ROBO2: variants seen among roughly 807,000 people sequenced by gnomAD.
ROBO2 encodes roundabout homolog 2.
In ROBO2, 53 loss-of-function variants were observed where a neutral mutation model predicts 160.8. The observed-to-expected ratio is 0.33, with a 90% confidence interval of 0.26 to 0.41. The LOEUF (loss-of-function observed/expected upper bound fraction) is 0.41. Ranked by LOEUF, ROBO2 falls within the 10% of genes least tolerant of loss-of-function variation. The probability of loss-of-function intolerance (pLI) is 1.00; values close to 1 mark genes in which losing one functional copy is unlikely to be tolerated. For missense variants in ROBO2, 1,577 were observed against 1,722.4 expected (o/e 0.92, Z 1.49); for synonymous variants, 664 against 611.7 (o/e 1.09, Z -1.26).
intron 2 of ROBO2, among the ~76,000 whole-genome samples, chr3:77,348,636 T>A (rs2153456482): frequency 6.6e-6 from 1 of 152,304 alleles, no homozygotes; most frequent in South Asian, 2.1e-4. Context: ...CTGACAAAGC[T>A]ATTTGTTCTA....
At chr3:76,487,148 A>ATT (rs1234441526) in intron 2 of ROBO2, among the ~76,000 whole-genome samples, 1 of 131,014 alleles carries the variant, frequency 7.6e-6, no homozygotes, top group African/African-American at 2.6e-5. Context: ...TTTTTAATTT[A>ATT]ATTTTTTTTT....
intron 2 of ROBO2, among the ~76,000 whole-genome samples, chr3:76,090,671 G>T (rs2069193815): frequency 6.6e-6 from 1 of 152,140 alleles, no homozygotes; most frequent in Non-Finnish European, 1.5e-5. Context: ...TTGGAGAAGT[G>T]ATGCTATCAA....
At chr3:76,095,651 A>G (rs1422013506) in intron 2 of ROBO2, among the ~76,000 whole-genome samples, 3 of 151,954 alleles carry the variant, frequency 2.0e-5, no homozygotes, top group Non-Finnish European at 4.4e-5. Context: ...TAACAACAAA[A>G]CTCCACATAG....
At chr3:76,673,171 G>A (rs1187854562) in intron 2 of ROBO2, among the ~76,000 whole-genome samples, 1 of 149,558 alleles carries the variant, frequency 6.7e-6, no homozygotes, top group Non-Finnish European at 1.5e-5. Context: ...ACAGTAAACG[G>A]TTCATCTCCA....
intron 2 of ROBO2, among the ~76,000 whole-genome samples, chr3:76,980,128 G>A (rs561439027): frequency 1.1e-4 from 17 of 152,280 alleles, no homozygotes; most frequent in African/African-American, 3.6e-4. Flanking sequence ...AGGAAACTCT[G>A]CAAATGGAGG....
intron 2 of ROBO2, among the ~76,000 whole-genome samples, chr3:76,089,287 T>A (rs2069134414): frequency 6.6e-6 from 1 of 151,996 alleles, no homozygotes. Flanking sequence ...TTCTCCACAG[T>A]CTCTTTTGGG....
At chr3:75,908,237 T>A (rs1559742528) in intron 1 of ROBO2, among the ~76,000 whole-genome samples, 1 of 152,182 alleles carries the variant, frequency 6.6e-6, no homozygotes, top group Non-Finnish European at 1.5e-5. Flanking sequence ...GGATCCAATG[T>A]CATTTTATGG....
At chr3:76,872,192 G>A (rs1464024303) in intron 2 of ROBO2, among the ~76,000 whole-genome samples, 1 of 152,092 alleles carries the variant, frequency 6.6e-6, no homozygotes, top group Non-Finnish European at 1.5e-5. Flanking sequence ...AAGTATTCCT[G>A]TGAATTTCTT....
intron 6 of ROBO2, among the ~76,000 whole-genome samples, chr3:77,542,711 T>G (rs559303622): frequency 7.9e-5 from 12 of 152,292 alleles, no homozygotes; most frequent in Middle Eastern, 3.4e-3. Context: ...TTAAAAGCCC[T>G]GATGAAATGG....
At chr3:77,393,498 C>T (rs971868471) in intron 2 of ROBO2, among the ~76,000 whole-genome samples, 2 of 150,176 alleles carry the variant, frequency 1.3e-5, no homozygotes, top group African/African-American at 2.4e-5. Context: ...CACAAAATGA[C>T]TAGCACAGAG....
chr3:77,529,675 T>A (rs2091478901), intron 6 of ROBO2, among the ~76,000 whole-genome samples: 1 of 151,996 alleles, frequency 6.6e-6, no homozygotes, highest in Non-Finnish European at 1.5e-5. Context: ...TTATTTCCAT[T>A]TTTTATTCCC....
intron 2 of ROBO2, among the ~76,000 whole-genome samples, chr3:76,637,038 G>T (rs2090379432): frequency 6.6e-6 from 1 of 152,066 alleles, no homozygotes; most frequent in Non-Finnish European, 1.5e-5. Context: ...CAAGCAGCAA[G>T]GAATAGATAA....
intron 2 of ROBO2, among the ~76,000 whole-genome samples, chr3:75,954,080 C>T (rs1576284419): frequency 6.6e-6 from 1 of 151,780 alleles, no homozygotes; most frequent in East Asian, 2.0e-4. Flanking sequence ...ACCCCAACCC[C>T]CTTCCCTGTT....
At chr3:77,072,075 G>A (rs574779353) in intron 1 of ROBO2, among the ~76,000 whole-genome samples, 6 of 152,130 alleles carry the variant, frequency 3.9e-5, no homozygotes, top group South Asian at 2.1e-4. Context: ...CCTGAGCTCC[G>A]TCTCATGCCA....
chr3:76,609,618 G>GTTAA (rs1476214869), intron 2 of ROBO2, among the ~76,000 whole-genome samples: 1 of 151,828 alleles, frequency 6.6e-6, no homozygotes, highest in Non-Finnish European at 1.5e-5. Context: ...TAGGTTTTTG[G>GTTAA]TTAAATCTTT....
chr3:76,369,224 C>A (rs2075983632), intron 2 of ROBO2, among the ~76,000 whole-genome samples: 2 of 151,912 alleles, frequency 1.3e-5, no homozygotes, highest in Non-Finnish European at 1.5e-5. Context: ...GTATTAACAG[C>A]CTTCTCTGAT....
rs1049407271 is a variant in ROBO2, at chr3:76,604,609, A to G, written c.110-493405A>G. On this transcript the variant is annotated intron_variant, in intron 2 of 26. Transcript: ENST00000487694. ...ATATTTTCTAATTTAATTTATATGG[A>G]ACATTTTAATAGAAATATTTAATAA... is the stretch of plus-strand genomic sequence containing the variant. Among the ~76,000 whole-genome samples, 3 of 152,266 alleles carry G rather than the reference A, an allele frequency of 2.0e-5. No homozygotes were observed. The South Asian group carries it at 6.2e-4, about 32-fold the overall frequency.
intron 2 of ROBO2, among the ~76,000 whole-genome samples, chr3:75,959,662 A>G (rs1229542496): frequency 2.0e-5 from 3 of 151,746 alleles, no homozygotes; most frequent in Non-Finnish European, 4.4e-5. Context: ...TTGTGTTTAA[A>G]TATAAAATTA....
intron 2 of ROBO2, among the ~76,000 whole-genome samples, chr3:76,412,868 C>T (rs1299645536): frequency 2.0e-5 from 3 of 152,216 alleles, no homozygotes; most frequent in Non-Finnish European, 4.4e-5. Context: ...CACAGCTGCA[C>T]TAGACAGTGC....
Sources: gnomAD v4.1 joint callset for allele counts (sites outside exome capture counted in the v4.1 genomes callset) on GRCh38, gnomAD v4.1.1 for gene constraint, MANE v1.5 for transcripts, NCBI Gene and HGNC (gene_info 2026-07-23, HGNC 2026-07-21) for gene names.